MCTP2: variants seen among roughly 807,000 people sequenced by gnomAD.
MCTP2 encodes the protein multiple C2 and transmembrane domain-containing protein 2.
In MCTP2, 132 loss-of-function variants were observed where a neutral mutation model predicts 111.6. The observed-to-expected ratio is 1.18, with a 90% confidence interval of 1.03 to 1.37. The LOEUF is 1.37. MCTP2 is among the 40% of genes most tolerant of loss of function. The probability of loss-of-function intolerance (pLI) is 0.00; values close to 1 mark genes in which losing one functional copy is unlikely to be tolerated. For missense variants in MCTP2, 1,183 were observed against 1,067.9 expected (o/e 1.11, Z -1.50); for synonymous variants, 395 against 387.7 (o/e 1.02, Z -0.22).
At chr15:94,454,613 AC>A (rs1014168516) in intron 19 of MCTP2, among the ~76,000 whole-genome samples, 18 of 146,128 alleles carry the variant, frequency 1.2e-4, no homozygotes, top group African/African-American at 4.6e-4. Flanking sequence ...AAAAAAAAAA[AC>A]CCTAAATTAT....
chr15:94,257,508 ATTGT>A (rs977279175), intron 1 of MCTP2, among the ~76,000 whole-genome samples: 3 of 149,020 alleles, frequency 2.0e-5, no homozygotes, highest in Non-Finnish European at 4.4e-5. Context: ...ACAAAGAAAA[ATTGT>A]TTGGGCTTTT....
chr15:94,245,474 GTA>G (rs1296317313), intron 1 of MCTP2, among the ~76,000 whole-genome samples: 10 of 135,464 alleles, frequency 7.4e-5, no homozygotes, highest in African/African-American at 1.9e-4. Context: ...ATACATATAT[GTA>G]TATATACATA....
At chr15:94,299,975 C>T (rs2075522464) in intron 2 of MCTP2, among the ~76,000 whole-genome samples, 1 of 151,960 alleles carries the variant, frequency 6.6e-6, no homozygotes, top group East Asian at 1.9e-4. Context: ...CCTTTTTTGA[C>T]TTTTTAGTTA....
rs1459501293 is a variant in MCTP2 at position 94,315,615 on chromosome 15, C to A, written c.615C>A (p.Asn205Lys). 2 of 1,614,000 alleles carry A rather than the reference C, an allele frequency of 1.2e-6. No homozygotes were observed. The highest frequency in any genetic ancestry group is 1.7e-6 in the Non-Finnish European group (2 of 1,179,942). ...LLTIHLKEGRNLVVRDRCGTS... is the reference protein window; with the variant it reads ...LLTIHLKEGRKLVVRDRCGTS... ...CCATACACCTGAAGGAAGGCCGGAACCTGGTTGTCCGAGATCGCTGTGGTA... is the reference window on the plus strand; with the variant it reads ...CCATACACCTGAAGGAAGGCCGGAAACTGGTTGTCCGAGATCGCTGTGGTA... The change falls in exon 4 of 23, where the codon AAC (asparagine) becomes AAA (lysine). Residue 205 changes from asparagine to lysine, a missense_variant. Physicochemically the swap from Asn to Lys is moderately conservative, Grantham distance 94. Coordinates refer to ENST00000357742, the MANE Select transcript of MCTP2 (RefSeq NM_001385001.1).
At chr15:94,324,379 C>G (rs977704734) in intron 4 of MCTP2, among the ~76,000 whole-genome samples, 6 of 152,186 alleles carry the variant, frequency 3.9e-5, no homozygotes, top group Non-Finnish European at 8.8e-5. Context: ...CCACTGTGGG[C>G]TGAGGGAATA....
chr15:94,388,469 C>T (rs1229988556), intron 14 of MCTP2, among the ~76,000 whole-genome samples: 1 of 152,184 alleles, frequency 6.6e-6, no homozygotes, highest in East Asian at 1.9e-4. Context: ...AATTGATTCT[C>T]TATCTAATAT....
At chr15:94,291,493 T>C (rs57851821) in intron 1 of MCTP2, among the ~76,000 whole-genome samples, 2,096 of 151,910 alleles carry the variant, frequency 0.014, 39 homozygotes, top group African/African-American at 0.047. Context: ...CCCAGCTATC[T>C]GGGAGGCTGT....
At chr15:94,273,904 C>A in intron 1 of MCTP2, 1 of 238,104 alleles carries the variant, frequency 4.2e-6, no homozygotes, top group Non-Finnish European at 9.4e-6. Context: ...CAAAACTGGA[C>A]AAGGATCAGA....
At chr15:94,233,601 C>A (rs1596111399) in intron 1 of MCTP2, among the ~76,000 whole-genome samples, 1 of 151,932 alleles carries the variant, frequency 6.6e-6, no homozygotes, top group African/African-American at 2.4e-5. Context: ...TGCTCACACA[C>A]GAATATATAT....
chr15:94,407,037 A>G lies in MCTP2; in HGVS notation c.2085+5018A>G, dbSNP rs891142318. Reference sequence around the variant, plus strand: ...CCCAGTGTCTCAGTGCAAATACATTATTTGATCATAATAAAGATAAATTTG... The same window carrying G: ...CCCAGTGTCTCAGTGCAAATACATTGTTTGATCATAATAAAGATAAATTTG... On this transcript the variant is annotated intron_variant, in intron 17 of 22. Coordinates refer to ENST00000357742, the MANE Select transcript of MCTP2 (RefSeq NM_001385001.1). Among the ~76,000 whole-genome samples the G allele has an allele frequency of 5.9e-5, 9 of 152,108 alleles. No individual in the cohort carries two copies. In the Middle Eastern group the frequency reaches 9.5e-3, roughly 160 times the overall value.
intron 22 of MCTP2, among the ~76,000 whole-genome samples, chr15:94,477,946 G>A (rs866791153): frequency 1.3e-5 from 2 of 152,044 alleles, no homozygotes; most frequent in Non-Finnish European, 1.5e-5. Flanking sequence ...GGGCACCTTC[G>A]CAAAACACCA....
At chr15:94,302,723 G>C (rs991230345) in intron 2 of MCTP2, among the ~76,000 whole-genome samples, 1 of 152,116 alleles carries the variant, frequency 6.6e-6, no homozygotes, top group African/African-American at 2.4e-5. Context: ...TCACCTAGTT[G>C]TTCAAGCCAA....
intron 17 of MCTP2, among the ~76,000 whole-genome samples, chr15:94,424,322 T>A (rs902793462): frequency 6.6e-6 from 1 of 152,122 alleles, no homozygotes; most frequent in Non-Finnish European, 1.5e-5. Context: ...TTTTGGGTTT[T>A]TTTTTTCCAT....
chr15:94,393,137 C>T (rs1186434412), intron 14 of MCTP2, among the ~76,000 whole-genome samples: 1 of 151,898 alleles, frequency 6.6e-6, no homozygotes, highest in Non-Finnish European at 1.5e-5. Context: ...TCATAGAAAA[C>T]ATTTTGGAGT....
rs763869256 is a variant in MCTP2, at chr15:94,314,320, ATC to A, written c.507_508del (p.Gln170ThrfsTer3). 1.2e-6 allele frequency: 2 copies of A among 1,609,100 alleles called. No homozygotes were observed. The highest frequency in any genetic ancestry group is 2.2e-5 in the South Asian group (2 of 90,276). ...GSSDLNASMT[S>X]QHFEEQSVPG... is the part of the protein sequence containing the mutation. Reference sequence around the variant, plus strand: ...GCAGTGACCTGAATGCTTCTATGACATCTCAACATTTTGAAGAACAATCTGTG... The same window carrying A: ...GCAGTGACCTGAATGCTTCTATGACATCAACATTTTGAAGAACAATCTGTG... On this transcript the variant is annotated frameshift_variant, in exon 3 of 23. Transcript: ENST00000357742. LOFTEE classifies it high-confidence loss of function.
At chr15:94,345,350 AT>A (rs889342384) in intron 8 of MCTP2, among the ~76,000 whole-genome samples, 186 bp downstream of exon 8, 3 of 134,428 alleles carry the variant, frequency 2.2e-5, no homozygotes, top group Non-Finnish European at 3.3e-5. Flanking sequence ...GTATTGCCAG[AT>A]GTTTGAGCTG....
At chr15:94,318,880 CAG>C (rs1283763413) in intron 4 of MCTP2, among the ~76,000 whole-genome samples, 1 of 152,200 alleles carries the variant, frequency 6.6e-6, no homozygotes, top group Non-Finnish European at 1.5e-5. Context: ...TCTCTCTCTG[CAG>C]AGTTTCATCA....
At chr15:94,469,804 C>A (rs1006351186) in intron 20 of MCTP2, among the ~76,000 whole-genome samples, 1 of 151,602 alleles carries the variant, frequency 6.6e-6, no homozygotes, top group African/African-American at 2.4e-5. Context: ...CCTGGGGGGT[C>A]GAGGCTGCAG....
chr15:94,458,188 G>T lies in MCTP2; in HGVS notation c.2302G>T (p.Val768Phe). Residue 768 changes from valine to phenylalanine, a missense_variant, in exon 20 of 23, where the codon GTT (valine) becomes TTT (phenylalanine). By Grantham distance (50) the Val-to-Phe change is conservative. Transcript: ENST00000357742. ...AAGAATCTATATGGTACAGGATATT[G>T]TTTCAACTGTTCAAAACGTCTTGGA... ...IERIYMVQDIVSTVQNVLEEI... is the reference protein window; with the variant it reads ...IERIYMVQDIFSTVQNVLEEI... 6.2e-7 allele frequency: 1 copy of T among 1,612,672 alleles called. No homozygotes were observed. Among genetic ancestry groups the T allele is most frequent in the Non-Finnish European group, 8.5e-7 (1 of 1,178,668 alleles).
Sources: allele counts gnomAD v4.1 joint callset (sites outside exome capture counted in the v4.1 genomes callset), GRCh38; gene constraint gnomAD v4.1.1; transcripts MANE v1.5; gene names NCBI Gene and HGNC (gene_info 2026-07-23, HGNC 2026-07-21).